The following FADS3 variants were observed in gnomAD, a reference collection of about 807,000 sequenced individuals.
The protein encoded by FADS3 is fatty acid desaturase 3, also known as cytochrome b5-related protein.
A neutral mutation model predicts 60.4 loss-of-function variants in FADS3; 30 were observed. The observed-to-expected ratio is 0.50, with a 90% CI of 0.37 to 0.67. The LOEUF (loss-of-function observed/expected upper bound fraction) is 0.67, where lower values mean the gene tolerates loss of function less well. Among genes scored for constraint, FADS3 ranks in the 30% least tolerant of loss-of-function variants. The pLI is 0.00. For missense variants in FADS3, 432 were observed against 598.3 expected (o/e 0.72, Z 2.90); for synonymous variants, 234 against 249.3 (o/e 0.94, Z 0.58).
chr11:61,891,611 C>G (rs961909641), upstream of FADS3: 11 of 178,192 alleles, frequency 6.2e-5, no homozygotes, highest in South Asian at 5.8e-4. Context: ...GCCTGCCCCC[C>G]CGCCCCCGGC....
At position 61,876,968 on chromosome 11, in the gene FADS3, AGAG is replaced by A. The variant is rs775066589; in HGVS notation, c.886-8_886-6del. ...GCTGGCGGCCCAGAGCAAATCCTGC[AGAG>A]GAGGGCAGAGGCGATACCGAGAGGT... On this transcript the variant is annotated splice_region_variant and splice_polypyrimidine_tract_variant and intron_variant, in intron 7 of 11. Coordinates refer to ENST00000278829, the MANE Select transcript of FADS3 (RefSeq NM_021727.5). This position sits in a 1 kb window ranked among gnomAD's most constrained non-coding sequence, Gnocchi z 5.7. The A allele has an allele frequency of 3.8e-6, 6 of 1,581,464 alleles. No individual in the cohort carries two copies. The South Asian group carries it at 5.8e-5, about 15-fold the overall frequency.
At chr11:61,883,503 C>T (rs1219531703) in intron 1 of FADS3, among the ~76,000 whole-genome samples, 2 of 152,222 alleles carry the variant, frequency 1.3e-5, no homozygotes, top group African/African-American at 2.4e-5. Flanking sequence ...ATCACTCAGA[C>T]ACTCAGAAAC....
Position 61,873,746 on chromosome 11 carries a change from C to A in FADS3, c.*68G>T. ...CTGGCCAGTGGAGGGGTGAGGGTATCGATCCCGCCGGGGGCTGGCTTGGTT... is the reference window on the plus strand; with the variant it reads ...CTGGCCAGTGGAGGGGTGAGGGTATAGATCCCGCCGGGGGCTGGCTTGGTT... On this transcript the variant is annotated 3_prime_UTR_variant, in exon 12 of 12. Coordinates refer to ENST00000278829, the MANE Select transcript of FADS3 (RefSeq NM_021727.5). 1 of 1,219,190 alleles carries A rather than the reference C, an allele frequency of 8.2e-7. No homozygotes were observed. Among genetic ancestry groups the A allele is most frequent in the South Asian group, 1.3e-5 (1 of 78,480 alleles). The allele number at this position is 1,219,190 out of a possible 1,614,324, so 75.5% of individuals were successfully genotyped here. A position where few individuals can be genotyped will look rare whatever the true frequency, so the allele number is the denominator to read the frequency against.
At chr11:61,891,668 T>G, upstream of FADS3, 1 of 152,968 alleles carries the variant, frequency 6.5e-6, no homozygotes, top group Non-Finnish European at 1.4e-5. Flanking sequence ...TCCGCTCCAA[T>G]CCAGGCGCGG....
Position 61,876,760 on chromosome 11 carries a change from A to G in FADS3, c.983+106T>C. ...GATTCCACCAGCAAGCCAGGGAGGC[A>G]GTACCACTGGCCCCATTCTGCAGAC... On this transcript the variant is annotated intron_variant, in intron 8 of 11. Transcript: ENST00000278829. This position sits in a 1 kb window ranked among gnomAD's most constrained non-coding sequence, Gnocchi z 5.7. 1.1e-6 allele frequency: 1 copy of G among 917,292 alleles called. No individual in the cohort carries two copies. Among genetic ancestry groups the G allele is most frequent in the East Asian group, 2.6e-5 (1 of 37,894 alleles). 56.8% of individuals were successfully genotyped at this position (917,292 alleles called of 1,614,324 possible). A position where few individuals can be genotyped will look rare whatever the true frequency, so the allele number is the denominator to read the frequency against.
chr11:61,874,826 C>T (rs1937808956), intron 11 of FADS3, among the ~76,000 whole-genome samples: 2 of 152,216 alleles, frequency 1.3e-5, no homozygotes, highest in South Asian at 4.1e-4. Flanking sequence ...CCCCCCTCCC[C>T]TCCCCTGTCC....
At position 61,873,851 on chromosome 11, in the gene FADS3, G is replaced by T. The variant is rs1400593202; in HGVS notation, c.1301C>A (p.Ser434Tyr). Residue 434 changes from serine (S) to tyrosine (Y), a missense_variant, in exon 12 of 12, where the codon TCT becomes TAT. Ser to Tyr is a moderately radical substitution (Grantham distance 144). Coordinates refer to ENST00000278829, the MANE Select transcript of FADS3 (RefSeq NM_021727.5). ...GTAGGCGTCCAGCCAGATGTCACCA[G>T]ACTTCTTCAGGGACCTGGGAGGTGG... Reference protein sequence around the residue: ...LVDIVRSLKKSGDIWLDAYLH... With the variant: ...LVDIVRSLKKYGDIWLDAYLH... 1 of 1,602,544 alleles carries T rather than the reference G, an allele frequency of 6.2e-7. No individual in the cohort carries two copies. Among genetic ancestry groups the T allele is most frequent in the South Asian group, 1.1e-5 (1 of 90,368 alleles).
intron 1 of FADS3, among the ~76,000 whole-genome samples, chr11:61,888,136 G>A (rs572931360): frequency 1.3e-5 from 2 of 152,340 alleles, no homozygotes; most frequent in African/African-American, 2.4e-5. Flanking sequence ...GACAAACCTG[G>A]CCAAGGGCCC....
Position 61,878,137 on chromosome 11 carries a change from G to C in FADS3, c.808+18C>G. 6.2e-7 allele frequency: 1 copy of C among 1,612,390 alleles called. No homozygotes were observed. Among genetic ancestry groups the C allele is most frequent in the Non-Finnish European group, 8.5e-7 (1 of 1,178,458 alleles). Reference sequence around the variant, plus strand: ...GCCCAGGCACTCCCCCACCCCAGAAGGACAGATGGACACTCACTCAGGAAG... The same window carrying C: ...GCCCAGGCACTCCCCCACCCCAGAACGACAGATGGACACTCACTCAGGAAG... On this transcript the variant is annotated intron_variant, in intron 6 of 11. Coordinates refer to ENST00000278829, the MANE Select transcript of FADS3 (RefSeq NM_021727.5).
intron 11 of FADS3, among the ~76,000 whole-genome samples, chr11:61,874,514 A>T (rs937865320): frequency 5.3e-5 from 8 of 152,142 alleles, no homozygotes; most frequent in Non-Finnish European, 1.2e-4. Flanking sequence ...CCTCGCCTGG[A>T]TGGCTGCAGT....
intron 11 of FADS3, 110 bp downstream of exon 11, chr11:61,875,741 G>T: frequency 7.4e-7 from 1 of 1,359,642 alleles, no homozygotes; most frequent in African/African-American, 1.4e-5. Flanking sequence ...ATGGGACGTG[G>T]ACAGAAAGGC....
chr11:61,883,422 C>T (rs1029553826), intron 1 of FADS3, among the ~76,000 whole-genome samples: 3 of 152,168 alleles, frequency 2.0e-5, no homozygotes, highest in African/African-American at 7.2e-5. Context: ...TGGTGAGTCC[C>T]TCTTTCTCCT....
intron 1 of FADS3, 102 bp from the exon 2 acceptor site, chr11:61,880,253 C>T (rs993738832): frequency 1.1e-6 from 1 of 883,122 alleles, no homozygotes; most frequent in Non-Finnish European, 1.8e-6. Flanking sequence ...ATGGGCAGAG[C>T]AGACGACAGG....
upstream of FADS3, chr11:61,891,583 C>A (rs1204685145): frequency 8.8e-6 from 2 of 226,262 alleles, no homozygotes; most frequent in Non-Finnish European, 1.7e-5. Flanking sequence ...ACCGCGCGGA[C>A]GGCGCCCGCC....
chr11:61,874,286 G>C (rs1199669012), intron 11 of FADS3, among the ~76,000 whole-genome samples: 2 of 152,240 alleles, frequency 1.3e-5, no homozygotes, highest in Non-Finnish European at 2.9e-5. Flanking sequence ...AGGAAGCCCT[G>C]TGCCAGGCGC....
chr11:61,880,768 T>C (rs930031891), intron 1 of FADS3: 2 of 152,192 alleles, frequency 1.3e-5, no homozygotes, highest in African/African-American at 4.8e-5. Flanking sequence ...TTTTTTTTTT[T>C]TGAGACAGTC....
At chr11:61,874,277 G>A (rs1011787446) in intron 11 of FADS3, among the ~76,000 whole-genome samples, 2 of 152,230 alleles carry the variant, frequency 1.3e-5, no homozygotes, top group African/African-American at 4.8e-5. Context: ...CAATCTGCTA[G>A]GAAGCCCTGT....
At chr11:61,878,355 T>C in intron 5 of FADS3, 140 bp from the exon 6 acceptor site, 1 of 1,367,398 alleles carries the variant, frequency 7.3e-7, no homozygotes, top group South Asian at 1.3e-5. Flanking sequence ...CCCAGCAGGT[T>C]GGGAGGTGGG....
At position 61,878,149 on chromosome 11, in the gene FADS3, A is replaced by T; in HGVS notation, c.808+6T>A. On this transcript the variant is annotated splice_donor_region_variant and intron_variant, in intron 6 of 11. Coordinates refer to ENST00000278829, the MANE Select transcript of FADS3 (RefSeq NM_021727.5). The stretch of plus-strand genomic sequence containing the variant: ...CCCCACCCCAGAAGGACAGATGGAC[A>T]CTCACTCAGGAAGAAGTACAGGTGC... 6.2e-6 allele frequency: 10 copies of T among 1,613,504 alleles called. No homozygotes were observed. The highest frequency in any genetic ancestry group is 8.5e-6 in the Non-Finnish European group (10 of 1,179,510).
Sources: gnomAD v4.1 joint callset for allele counts (sites outside exome capture counted in the v4.1 genomes callset) on GRCh38, gnomAD v4.1.1 for gene constraint, Gnocchi (gnomAD v3.1) non-coding constraint, MANE v1.5 for transcripts, NCBI Gene and HGNC (gene_info 2026-07-23, HGNC 2026-07-21) for gene names.